The following VWA3B variants were observed in gnomAD, a reference collection of about 807,000 sequenced individuals.
The protein encoded by VWA3B is von Willebrand factor A domain-containing protein 3B.
A neutral mutation model predicts 158.3 loss-of-function variants in VWA3B; 138 were observed. That is an observed-to-expected ratio of 0.87 (90% confidence interval 0.76 to 1.00). The LOEUF is 1.00. VWA3B is among the 50% of genes least tolerant of loss of function. The pLI, the probability that VWA3B is intolerant of heterozygous loss-of-function variation, is 0.00. For synonymous variants in VWA3B, 596 were observed against 587.3 expected, an observed-to-expected ratio of 1.01 and a Z score of -0.21; for missense variants, 1,555 against 1,565.1, an observed-to-expected ratio of 0.99 and a Z score of 0.11.
rs183122960 is a variant in VWA3B at position 98,186,435 on chromosome 2, C to T, written c.1312-1540C>T. On this transcript the variant is annotated intron_variant, in intron 9 of 27. Transcript: ENST00000477737. Reference sequence around the variant, plus strand: ...CCTACCCTGATCTCCCGACTACTGCCGTGCTACCTGGATGTCTAATAGGCA... The same window carrying T: ...CCTACCCTGATCTCCCGACTACTGCTGTGCTACCTGGATGTCTAATAGGCA... Among the ~76,000 whole-genome samples the T allele has an allele frequency of 5.3e-5, 8 of 152,172 alleles. No individual in the cohort carries two copies. In the East Asian group the frequency reaches 9.7e-4, roughly 18 times the overall value.
intron 21 of VWA3B, among the ~76,000 whole-genome samples, chr2:98,261,511 A>G (rs2105846216): frequency 6.6e-6 from 1 of 151,894 alleles, no homozygotes; most frequent in Admixed American, 6.6e-5. Context: ...TTATTTCTTC[A>G]TATGGCTTAG....
intron 7 of VWA3B, among the ~76,000 whole-genome samples, chr2:98,141,580 T>C (rs1186861338): frequency 6.6e-6 from 1 of 152,024 alleles, no homozygotes; most frequent in Non-Finnish European, 1.5e-5. Flanking sequence ...CCAGGCCCCA[T>C]CTCTGATACT....
At position 98,128,400 on chromosome 2, in the gene VWA3B, C is replaced by A; in HGVS notation, c.864C>A (p.Thr288=). ...IAFLKDLSAK[T]HSRFHAFAER... is the part of the protein sequence containing the mutation. ...TTCTAAAGGATCTGAGTGCCAAGAC[C>A]CACAGCAGGTAGGCAGAAAATGTGC... Residue 288 remains threonine (T), a synonymous_variant, in exon 6 of 28, where the codon ACC becomes ACA. Transcript: ENST00000477737. 6.2e-7 allele frequency: 1 copy of A among 1,612,762 alleles called. No homozygotes were observed. The highest frequency in any genetic ancestry group is 8.5e-7 in the Non-Finnish European group (1 of 1,179,268).
chr2:98,308,316 G>A (rs562081072), intron 26 of VWA3B, among the ~76,000 whole-genome samples: 22 of 152,302 alleles, frequency 1.4e-4, no homozygotes, highest in South Asian at 4.2e-4. Flanking sequence ...CAGTGTGTCC[G>A]ATGGAGGGAA....
At chr2:98,264,158 A>C (rs751733944) in intron 21 of VWA3B, among the ~76,000 whole-genome samples, 1 of 149,400 alleles carries the variant, frequency 6.7e-6, no homozygotes, top group South Asian at 2.1e-4. Context: ...GAATTTGTCA[A>C]TTTTGTAGGT....
At chr2:98,196,264 ATT>A (rs1291606540) in intron 12 of VWA3B, among the ~76,000 whole-genome samples, 2 of 152,120 alleles carry the variant, frequency 1.3e-5, no homozygotes, top group African/African-American at 2.4e-5. Context: ...AAGAGAGTAA[ATT>A]TTAAGTGTTC....
chr2:98,325,162 A>C, the VWA3B span, among the ~76,000 whole-genome samples: 1 of 152,214 alleles, frequency 6.6e-6, no homozygotes, highest in Non-Finnish European at 1.5e-5. Flanking sequence ...TAAAGATGTA[A>C]ATTTATAGAT....
At chr2:98,157,314 A>C (rs2105208928) in intron 7 of VWA3B, among the ~76,000 whole-genome samples, 1 of 152,294 alleles carries the variant, frequency 6.6e-6, no homozygotes, top group Non-Finnish European at 1.5e-5. Context: ...ATGAATGGTT[A>C]ATTTCCATAG....
In VWA3B at chr2:98,250,411, G is replaced by C. The variant is rs535458056; in HGVS notation, c.2767G>C (p.Glu923Gln). Reference protein sequence around the residue: ...AKLNIYKRKVEQAIQSYEKRL... With the variant: ...AKLNIYKRKVQQAIQSYEKRL... ...ACTCAATATCTACAAGCGAAAAGTG[G>C]AACAGGCAATTCAATCCTATGAAAA... The change falls in exon 20 of 28, where the codon GAA (glutamate) becomes CAA (glutamine). Residue 923 changes from glutamate (E) to glutamine (Q), a missense_variant. Coordinates refer to ENST00000477737, the MANE Select transcript of VWA3B (RefSeq NM_144992.5). The C allele has an allele frequency of 2.8e-5, 45 of 1,611,820 alleles. No homozygotes were observed. In the East Asian group the frequency reaches 8.3e-4, roughly 30 times the overall value.
At chr2:98,281,724 C>T (rs1054241149) in intron 22 of VWA3B, among the ~76,000 whole-genome samples, 12 of 151,972 alleles carry the variant, frequency 7.9e-5, no homozygotes, top group Non-Finnish European at 1.0e-4. Context: ...TTGGGGCCCT[C>T]GTCCATATCA....
intron 5 of VWA3B, chr2:98,122,152 G>A (rs1675019222): frequency 6.6e-6 from 1 of 152,320 alleles, no homozygotes; most frequent in Non-Finnish European, 1.5e-5. Context: ...GTGTTTCTGG[G>A]AGTGACTCTA....
In VWA3B at chr2:98,230,123, A is replaced by T. The variant is rs751426628; in HGVS notation, c.2224A>T (p.Thr742Ser). 1 of 1,611,900 alleles carries T rather than the reference A, an allele frequency of 6.2e-7. No individual in the cohort carries two copies. Among genetic ancestry groups the T allele is most frequent in the African/African-American group, 1.3e-5 (1 of 74,946 alleles). ...AAAGCCTCAATCTGATGTCGATTCA[A>T]CACAAACTTCATCTCTGAATATGTT... The part of the protein sequence containing the change: ...CAKPQSDVDS[T>S]QTSSLNMLKG... The change falls in exon 16 of 28, where the codon ACA (threonine) becomes TCA (serine). Residue 742 changes from threonine to serine, a missense_variant. Thr to Ser is a moderately conservative substitution (Grantham distance 58). Transcript: ENST00000477737.
chr2:98,268,127 A>ATG (rs779419250), intron 21 of VWA3B, among the ~76,000 whole-genome samples: 4,307 of 151,678 alleles, frequency 0.028, 92 homozygotes, highest in Middle Eastern at 0.048. Flanking sequence ...AGGAACTGGT[A>ATG]CCATTCCTTC....
intron 9 of VWA3B, among the ~76,000 whole-genome samples, chr2:98,181,987 T>C (rs968412711): frequency 6.6e-6 from 1 of 152,170 alleles, no homozygotes; most frequent in Non-Finnish European, 1.5e-5. Context: ...GACTAAGAAG[T>C]GTCCCAATGT....
chr2:98,148,092 G>T (rs1290563118), intron 7 of VWA3B, among the ~76,000 whole-genome samples: 1 of 152,082 alleles, frequency 6.6e-6, no homozygotes, highest in Non-Finnish European at 1.5e-5. Context: ...GTTGTGTGGT[G>T]TATTTACTCC....
chr2:98,173,900 G>C (rs1679798537), intron 8 of VWA3B, among the ~76,000 whole-genome samples: 1 of 152,054 alleles, frequency 6.6e-6, no homozygotes, highest in Non-Finnish European at 1.5e-5. Context: ...TCGGGAGGCG[G>C]AGGCTGCAGT....
chr2:98,161,011 A>AGTCT (rs1362138745), intron 7 of VWA3B, among the ~76,000 whole-genome samples: 1 of 152,202 alleles, frequency 6.6e-6, no homozygotes, highest in Non-Finnish European at 1.5e-5. Context: ...GGTCTGCCCT[A>AGTCT]GTCTGCCTTG....
chr2:98,245,172 A>G (rs1686312397), intron 19 of VWA3B, among the ~76,000 whole-genome samples: 1 of 152,098 alleles, frequency 6.6e-6, no homozygotes. Flanking sequence ...TTAGCCAGTT[A>G]TGCTTGATTT....
intron 21 of VWA3B, among the ~76,000 whole-genome samples, chr2:98,257,127 G>A (rs1687205332): frequency 6.6e-6 from 1 of 151,884 alleles, no homozygotes; most frequent in Admixed American, 6.6e-5. Flanking sequence ...CCCTGCCTCT[G>A]GTAACTATGA....
Sources: gnomAD v4.1 joint callset for allele counts (sites outside exome capture counted in the v4.1 genomes callset) on GRCh38, gnomAD v4.1.1 for gene constraint, MANE v1.5 for transcripts, NCBI Gene and HGNC (gene_info 2026-07-23, HGNC 2026-07-21) for gene names.